The following FMNL2 variants were observed in gnomAD, a reference collection of about 807,000 sequenced individuals.
FMNL2 encodes formin like 2.
Under a neutral mutation model 130.2 loss-of-function variants are expected in FMNL2, and 51 were observed. The ratio of observed to expected loss-of-function variants is 0.39; its 90% CI spans 0.31 to 0.49. The LOEUF (loss-of-function observed/expected upper bound fraction) is 0.49, where lower values mean the gene tolerates loss of function less well. Among genes scored for constraint, FMNL2 ranks in the 20% least tolerant of loss-of-function variants. The pLI is 0.85. For synonymous variants in FMNL2, 465 were observed against 467.1 expected, an observed-to-expected ratio of 1.00 and a Z score of 0.06; for missense variants, 977 against 1,316.2, an observed-to-expected ratio of 0.74 and a Z score of 3.99.
At chr2:152,426,625 A>G (rs888218839) in intron 1 of FMNL2, among the ~76,000 whole-genome samples, 1 of 152,064 alleles carries the variant, frequency 6.6e-6, no homozygotes, top group African/African-American at 2.4e-5. Flanking sequence ...TGGGGCCCAG[A>G]TACTGATGTT....
intron 6 of FMNL2, among the ~76,000 whole-genome samples, chr2:152,571,843 A>G (rs1288976354): frequency 3.3e-5 from 5 of 152,126 alleles, no homozygotes; most frequent in African/African-American, 1.2e-4. Flanking sequence ...TATAGTTATA[A>G]CTAGTTTCAT....
At chr2:152,409,861 A>G (rs1482180846) in intron 1 of FMNL2, among the ~76,000 whole-genome samples, 1 of 152,206 alleles carries the variant, frequency 6.6e-6, no homozygotes, top group Non-Finnish European at 1.5e-5. Context: ...CCATGATGCA[A>G]TACTGCACCT....
intron 1 of FMNL2, among the ~76,000 whole-genome samples, chr2:152,337,033 G>T (rs551171312): frequency 6.6e-6 from 1 of 152,334 alleles, no homozygotes; most frequent in East Asian, 1.9e-4. Flanking sequence ...GGTATGGGAA[G>T]TGATGTTCTG....
chr2:152,455,238 G>T (rs978996068), intron 1 of FMNL2, among the ~76,000 whole-genome samples: 1 of 152,184 alleles, frequency 6.6e-6, no homozygotes, highest in African/African-American at 2.4e-5. Flanking sequence ...AGTACACTTG[G>T]AAAGGGTGGG....
chr2:152,386,614 T>C (rs1684797729), intron 1 of FMNL2, among the ~76,000 whole-genome samples: 1 of 152,210 alleles, frequency 6.6e-6, no homozygotes, highest in Non-Finnish European at 1.5e-5. Flanking sequence ...TATATGTGTC[T>C]ATCTGTTTTC....
At chr2:152,430,914 A>G (rs899682505) in intron 1 of FMNL2, among the ~76,000 whole-genome samples, 4 of 152,002 alleles carry the variant, frequency 2.6e-5, no homozygotes, top group Non-Finnish European at 5.9e-5. Context: ...CAAATTCTGG[A>G]ATTATGCCCT....
intron 7 of FMNL2, chr2:152,578,590 T>A (rs1696603560): frequency 6.3e-6 from 1 of 158,772 alleles, no homozygotes; most frequent in Non-Finnish European, 1.2e-5. Flanking sequence ...ATTGCCGATT[T>A]TTTTTTTTTT....
At chr2:152,423,908 T>C (rs1687042664) in intron 1 of FMNL2, among the ~76,000 whole-genome samples, 1 of 152,154 alleles carries the variant, frequency 6.6e-6, no homozygotes, top group Non-Finnish European at 1.5e-5. Context: ...TCCTTCCTCT[T>C]CTTTTGCAAA....
intron 4 of FMNL2, among the ~76,000 whole-genome samples, chr2:152,553,923 T>C (rs920580136): frequency 1.3e-5 from 2 of 152,176 alleles, no homozygotes; most frequent in African/African-American, 4.8e-5. Context: ...GTGATCTGTT[T>C]TGATTGATGT....
At chr2:152,427,884 A>T (rs1159010908) in intron 1 of FMNL2, among the ~76,000 whole-genome samples, 1 of 152,224 alleles carries the variant, frequency 6.6e-6, no homozygotes, top group Non-Finnish European at 1.5e-5. Context: ...TGCAGTGCAC[A>T]TACCCTTGGC....
chr2:152,435,430 G>A (rs1184679031), intron 1 of FMNL2, among the ~76,000 whole-genome samples: 6 of 152,118 alleles, frequency 3.9e-5, no homozygotes, highest in Non-Finnish European at 8.8e-5. Flanking sequence ...TTATACCTGG[G>A]TATCTTTTTC....
chr2:152,503,113 A>G (rs1318635737), intron 1 of FMNL2, among the ~76,000 whole-genome samples: 2 of 152,208 alleles, frequency 1.3e-5, no homozygotes, highest in African/African-American at 2.4e-5. Context: ...CTCGTTCAAG[A>G]TGGTAAGGCA....
At chr2:152,546,411 G>A (rs1302562555) in intron 3 of FMNL2, among the ~76,000 whole-genome samples, 1 of 151,964 alleles carries the variant, frequency 6.6e-6, no homozygotes, top group Non-Finnish European at 1.5e-5. Context: ...CTCTTAAACA[G>A]CCAGATCTCA....
intron 1 of FMNL2, among the ~76,000 whole-genome samples, chr2:152,380,049 A>C (rs954377774): frequency 2.0e-5 from 3 of 152,182 alleles, no homozygotes; most frequent in Non-Finnish European, 4.4e-5. Flanking sequence ...CTCTTTCAAC[A>C]TGGATCTATC....
At chr2:152,440,244 A>G (rs567118885) in intron 1 of FMNL2, among the ~76,000 whole-genome samples, 5 of 152,234 alleles carry the variant, frequency 3.3e-5, no homozygotes, top group Non-Finnish European at 5.9e-5. Flanking sequence ...GTGAGCCACA[A>G]TGTCTGGCCT....
intron 1 of FMNL2, among the ~76,000 whole-genome samples, chr2:152,394,721 G>GT (rs11407117): frequency 0.082 from 11,710 of 143,594 alleles, 519 homozygotes; most frequent in African/African-American, 0.1. Context: ...TAACTGTTGG[G>GT]TTTTTTTTTT....
chr2:152,402,954 A>C (rs967139147), intron 1 of FMNL2, among the ~76,000 whole-genome samples: 1 of 152,116 alleles, frequency 6.6e-6, no homozygotes, highest in Admixed American at 6.5e-5. Context: ...GCCCCAGGCT[A>C]TTTTTGGTTG....
chr2:152,395,026 T>C (rs1685316549), intron 1 of FMNL2, among the ~76,000 whole-genome samples: 1 of 152,232 alleles, frequency 6.6e-6, no homozygotes, highest in East Asian at 1.9e-4. Context: ...CTAAGAGTTA[T>C]TCCTGCTGAA....
At chr2:152,414,031 A>T (rs1686465109) in intron 1 of FMNL2, among the ~76,000 whole-genome samples, 1 of 152,128 alleles carries the variant, frequency 6.6e-6, no homozygotes, top group African/African-American at 2.4e-5. Flanking sequence ...TTTGCCATAA[A>T]TGTGATTATT....
Sources: gnomAD v4.1 joint callset for allele counts (sites outside exome capture counted in the v4.1 genomes callset) on GRCh38, gnomAD v4.1.1 for gene constraint, MANE v1.5 for transcripts, NCBI Gene and HGNC (gene_info 2026-07-23, HGNC 2026-07-21) for gene names.